The following SPPL3 variants were observed in gnomAD, a reference collection of about 807,000 sequenced individuals.
The protein encoded by SPPL3 is signal peptide peptidase-like 3.
SPPL3 carries 5 observed loss-of-function variants against 42.4 expected under a neutral mutation model. The ratio of observed to expected loss-of-function variants is 0.12; its 90% CI spans 0.06 to 0.25. SPPL3 has a LOEUF of 0.25. Ranked by LOEUF, SPPL3 falls within the 10% of genes least tolerant of loss-of-function variation. The pLI, the probability that SPPL3 is intolerant of heterozygous loss-of-function variation, is 1.00. For synonymous variants in SPPL3, 195 were observed against 181.8 expected (o/e 1.07, Z -0.58); for missense variants, 235 against 489.0 (o/e 0.48, Z 4.90).
chr12:120,782,324 G>C (rs1869571874), intron 6 of SPPL3, among the ~76,000 whole-genome samples: 2 of 152,198 alleles, frequency 1.3e-5, no homozygotes. Flanking sequence ...GCCATAAAAA[G>C]GAAGTGCTGA....
At chr12:120,777,855 TGTCAGAATCAGCAAAGGTGAA>T (rs1869381982) in intron 6 of SPPL3, among the ~76,000 whole-genome samples, 1 of 152,132 alleles carries the variant, frequency 6.6e-6, no homozygotes, top group Non-Finnish European at 1.5e-5. Context: ...TGACCAAACC[TGTCAGAATCAGCAAAGGTGAA>T]TTACTACACA....
chr12:120,898,427 T>C (rs1035657573), intron 1 of SPPL3, among the ~76,000 whole-genome samples: 3 of 150,364 alleles, frequency 2.0e-5, no homozygotes, highest in African/African-American at 7.3e-5. Flanking sequence ...TATCCTTATG[T>C]AGCTTATTTT....
At chr12:120,780,925 T>C (rs943248015) in intron 6 of SPPL3, among the ~76,000 whole-genome samples, 5 of 151,942 alleles carry the variant, frequency 3.3e-5, no homozygotes, top group African/African-American at 1.2e-4. Flanking sequence ...AAAAAGGTTT[T>C]AAGGGAAAAA....
At chr12:120,863,250 A>C (rs1337873166) in intron 1 of SPPL3, among the ~76,000 whole-genome samples, 2 of 152,144 alleles carry the variant, frequency 1.3e-5, no homozygotes, top group African/African-American at 4.8e-5. Flanking sequence ...CCAGAGGCTA[A>C]GCCAGAAGAA....
chr12:120,829,880 G>A (rs1230133926), intron 1 of SPPL3, among the ~76,000 whole-genome samples: 1 of 151,770 alleles, frequency 6.6e-6, no homozygotes, highest in Non-Finnish European at 1.5e-5. Context: ...TGTAATCTCA[G>A]CTTCTTGGGA....
At chr12:120,833,755 T>C (rs887695628) in intron 1 of SPPL3, among the ~76,000 whole-genome samples, 5 of 135,316 alleles carry the variant, frequency 3.7e-5, no homozygotes, top group African/African-American at 1.1e-4. Flanking sequence ...AAAAGAGTTG[T>C]TGAGTTTTAA....
intron 6 of SPPL3, among the ~76,000 whole-genome samples, chr12:120,771,407 C>T (rs1332320733): frequency 1.3e-5 from 2 of 152,244 alleles, no homozygotes; most frequent in Non-Finnish European, 2.9e-5. Context: ...TCCCAGAACC[C>T]AACTGGCTCC....
chr12:120,852,809 T>TATAC (rs1194099073), intron 1 of SPPL3, among the ~76,000 whole-genome samples: 1 of 145,436 alleles, frequency 6.9e-6, no homozygotes, highest in East Asian at 1.9e-4. Context: ...TATACATATA[T>TATAC]GAAATATATA....
intron 1 of SPPL3, among the ~76,000 whole-genome samples, chr12:120,816,485 C>T (rs1266647605): frequency 6.6e-6 from 1 of 152,134 alleles, no homozygotes; most frequent in African/African-American, 2.4e-5. Flanking sequence ...ATACTATTTT[C>T]AATTCAAACT....
chr12:120,772,360 A>C (rs1291767514), intron 6 of SPPL3, among the ~76,000 whole-genome samples: 1 of 152,150 alleles, frequency 6.6e-6, no homozygotes, highest in Non-Finnish European at 1.5e-5. Flanking sequence ...AGAACGTTGA[A>C]TGTCTCTCAA....
chr12:120,882,793 C>G (rs1465788441), intron 1 of SPPL3, among the ~76,000 whole-genome samples: 1 of 152,068 alleles, frequency 6.6e-6, no homozygotes. Context: ...CTGTGGGAAG[C>G]CAAGGCGAAA....
rs542328701 is a variant in SPPL3 at position 120,893,491 on chromosome 12, A to T, written c.23+10354T>A. Among the ~76,000 whole-genome samples, 7 of 152,160 alleles carry T rather than the reference A, an allele frequency of 4.6e-5. No homozygotes were observed. The South Asian group carries it at 1.2e-3, about 27-fold the overall frequency. The stretch of plus-strand genomic sequence containing the variant: ...TATGACCCTGCTGTCTGTACCAACC[A>T]TTCTCTTTCCTCAAGTCTTTCACAT... On this transcript the variant is annotated intron_variant, in intron 1 of 10. Transcript: ENST00000353487.
At position 120,799,403 on chromosome 12, in the gene SPPL3, T is replaced by A. The variant is rs1870213781; in HGVS notation, c.102-7846A>T. On this transcript the variant is annotated intron_variant, in intron 2 of 10. Transcript: ENST00000353487. ...GTACCATCATGAAGTGGAAAAATCT[T>A]AAGTTGAACCATCATTAAGTCAAAC... Among the ~76,000 whole-genome samples, 2 of 152,214 alleles carry A rather than the reference T, an allele frequency of 1.3e-5. 1 individual carries two copies. The highest frequency in any genetic ancestry group is 4.1e-4 in the South Asian group (2 of 4,830).
intron 1 of SPPL3, among the ~76,000 whole-genome samples, chr12:120,853,793 T>C (rs1872341528): frequency 6.6e-6 from 1 of 152,058 alleles, no homozygotes; most frequent in South Asian, 2.1e-4. Flanking sequence ...CTACTACTAG[T>C]CCAAAGACCA....
At chr12:120,784,687 G>T in intron 3 of SPPL3, 94 bp from the exon 4 acceptor site, 1 of 958,540 alleles carries the variant, frequency 1.0e-6, no homozygotes, top group Non-Finnish European at 1.5e-6. Context: ...AATGCAGACA[G>T]TTCTACGGAT....
At chr12:120,881,938 T>C (rs1043325282) in intron 1 of SPPL3, among the ~76,000 whole-genome samples, 1 of 152,092 alleles carries the variant, frequency 6.6e-6, no homozygotes, top group Non-Finnish European at 1.5e-5. Flanking sequence ...AAAAGTTTAA[T>C]GGGTACAGTA....
At chr12:120,828,576 A>G (rs1871298367) in intron 1 of SPPL3, among the ~76,000 whole-genome samples, 1 of 152,164 alleles carries the variant, frequency 6.6e-6, no homozygotes, top group Admixed American at 6.5e-5. Context: ...AGCTAAAACA[A>G]TCTTGGGGAA....
chr12:120,896,745 C>T (rs552418564), intron 1 of SPPL3, among the ~76,000 whole-genome samples: 41 of 151,700 alleles, frequency 2.7e-4, no homozygotes, highest in Non-Finnish European at 5.4e-4. Context: ...CACCACTACA[C>T]TCTAGACTGG....
intron 1 of SPPL3, among the ~76,000 whole-genome samples, chr12:120,843,125 C>A (rs939777141): frequency 1.3e-5 from 2 of 152,022 alleles, no homozygotes; most frequent in African/African-American, 2.4e-5. Context: ...TCACAGTGAA[C>A]GGATCACAGT....
Sources: allele counts gnomAD v4.1 joint callset (sites outside exome capture counted in the v4.1 genomes callset), GRCh38; gene constraint gnomAD v4.1.1; transcripts MANE v1.5; gene names NCBI Gene and HGNC (gene_info 2026-07-23, HGNC 2026-07-21).